SYNJ1: variants seen among roughly 807,000 people sequenced by gnomAD.
SYNJ1 encodes the protein polyphosphatidylinositol phosphatase SYNJ1.
Under a neutral mutation model 168.2 loss-of-function variants are expected in SYNJ1, and 78 were observed. The ratio of observed to expected loss-of-function variants is 0.46; its 90% CI spans 0.39 to 0.56. The LOEUF (loss-of-function observed/expected upper bound fraction) is 0.56, where lower values mean the gene tolerates loss of function less well. Among genes scored for constraint, SYNJ1 ranks in the 20% least tolerant of loss-of-function variants. The pLI is 0.00. For synonymous variants in SYNJ1, 539 were observed against 548.6 expected, an observed-to-expected ratio of 0.98 and a Z score of 0.24; for missense variants, 1,303 against 1,597.6, an observed-to-expected ratio of 0.82 and a Z score of 3.14.
At chr21:32,643,270 TA>T in intron 27 of SYNJ1, 139 bp downstream of exon 27, 1 of 790,268 alleles carries the variant, frequency 1.3e-6, no homozygotes, top group South Asian at 1.7e-5. Context: ...AAGGTATACA[TA>T]AGGAGGGGAA....
intron 2 of SYNJ1, among the ~76,000 whole-genome samples, chr21:32,711,620 G>A (rs772775633): frequency 6.6e-6 from 1 of 152,194 alleles, no homozygotes; most frequent in East Asian, 1.9e-4. Context: ...GTGAGCCACC[G>A]CGCCCAGCAA....
intron 18 of SYNJ1, among the ~76,000 whole-genome samples, chr21:32,660,534 A>G (rs1404108797): frequency 1.3e-5 from 2 of 152,252 alleles, no homozygotes; most frequent in Non-Finnish European, 2.9e-5. Context: ...AGCCATGGGC[A>G]TCAGCAGACT....
intron 6 of SYNJ1, among the ~76,000 whole-genome samples, chr21:32,692,411 T>C (rs1350494135): frequency 6.6e-6 from 1 of 151,996 alleles, no homozygotes; most frequent in Non-Finnish European, 1.5e-5. Flanking sequence ...ACCCCATTTC[T>C]ACTAAAAATA....
At chr21:32,657,179 G>T in intron 19 of SYNJ1, 59 bp from the exon 20 acceptor site, 1 of 1,128,832 alleles carries the variant, frequency 8.9e-7, no homozygotes, top group Non-Finnish European at 1.3e-6. Flanking sequence ...AGATCGTGTA[G>T]AGCAAAGAGG....
Position 32,631,671 on chromosome 21 carries a change from G to C in SYNJ1, c.*134C>G. The C allele has an allele frequency of 6.2e-7, 1 of 1,614,228 alleles. No homozygotes were observed. The highest frequency in any genetic ancestry group is 8.5e-7 in the Non-Finnish European group (1 of 1,180,040). ...CTGAATCAACCTCTTTGGGTCTGGG[G>C]TGGGAACAGGTGACGTTTGAACAGA... On this transcript the variant is annotated 3_prime_UTR_variant, in exon 33 of 33. Coordinates refer to ENST00000674351, the MANE Select transcript of SYNJ1 (RefSeq NM_203446.3).
Position 32,631,043 on chromosome 21 carries a change from C to G in SYNJ1, c.*762G>C. On this transcript the variant is annotated 3_prime_UTR_variant, in exon 33 of 33. Transcript: ENST00000674351. ...TGGGTGAAGCCTTAGAGGCCAAGGT[C>G]GTGAAAGGATCTACTGGAGGGCTGG... 4 of 1,613,888 alleles carry G rather than the reference C, an allele frequency of 2.5e-6. No homozygotes were observed. The highest frequency in any genetic ancestry group is 3.4e-6 in the Non-Finnish European group (4 of 1,179,950).
At chr21:32,724,332 A>G (rs2043364738) in intron 2 of SYNJ1, among the ~76,000 whole-genome samples, 1 of 152,122 alleles carries the variant, frequency 6.6e-6, no homozygotes, top group Non-Finnish European at 1.5e-5. Flanking sequence ...TACTAAAAAT[A>G]CAAAAATTAG....
chr21:32,705,436 CAT>C (rs1209036557), intron 2 of SYNJ1, among the ~76,000 whole-genome samples: 3 of 152,106 alleles, frequency 2.0e-5, no homozygotes, highest in African/African-American at 7.2e-5. Context: ...GAGCCTAAAA[CAT>C]AGTATTGTGC....
intron 27 of SYNJ1, 76 bp downstream of exon 27, chr21:32,643,334 C>T (rs939241973): frequency 1.8e-5 from 26 of 1,456,508 alleles, no homozygotes; most frequent in Admixed American, 3.6e-5. Context: ...GCAAACACTG[C>T]GGGGTGGGGA....
At chr21:32,693,031 AAAT>A (rs1457596495) in intron 6 of SYNJ1, among the ~76,000 whole-genome samples, 1 of 152,036 alleles carries the variant, frequency 6.6e-6, no homozygotes, top group Non-Finnish European at 1.5e-5. Flanking sequence ...ACCCTGTCTC[AAAT>A]AAATAAATAT....
At chr21:32,688,240 T>G in intron 7 of SYNJ1, 66 bp downstream of exon 7, 1 of 1,469,536 alleles carries the variant, frequency 6.8e-7, no homozygotes, top group East Asian at 2.4e-5. Flanking sequence ...AGTGAATCAG[T>G]AAATACAAGC....
At chr21:32,679,030 G>C (rs2041522003) in intron 11 of SYNJ1, among the ~76,000 whole-genome samples, 1 of 152,122 alleles carries the variant, frequency 6.6e-6, no homozygotes, top group Admixed American at 6.6e-5. Context: ...AAAAAGCTCA[G>C]TGCTACAACC....
At chr21:32,663,357 TTGG>T (rs1239770433) in intron 18 of SYNJ1, among the ~76,000 whole-genome samples, 1 of 152,206 alleles carries the variant, frequency 6.6e-6, no homozygotes, top group African/African-American at 2.4e-5. Flanking sequence ...AAACAGTCAC[TTGG>T]TGGAGTTCAA....
At chr21:32,726,093 G>A (rs2043441644) in intron 2 of SYNJ1, among the ~76,000 whole-genome samples, 1 of 152,130 alleles carries the variant, frequency 6.6e-6, no homozygotes, top group Non-Finnish European at 1.5e-5. Context: ...GCCCCCCTTG[G>A]CCTCCCAAAG....
intron 1 of SYNJ1, among the ~76,000 whole-genome samples, chr21:32,727,232 G>A (rs964061525): frequency 6.6e-6 from 1 of 152,132 alleles, no homozygotes; most frequent in Non-Finnish European, 1.5e-5. Flanking sequence ...AGCGTATTTC[G>A]TCCGGAGCTG....
intron 2 of SYNJ1, among the ~76,000 whole-genome samples, chr21:32,726,153 G>A (rs1390817745): frequency 6.6e-6 from 1 of 152,132 alleles, no homozygotes; most frequent in Non-Finnish European, 1.5e-5. Context: ...CTTACATTAA[G>A]AAAGACCCAG....
At chr21:32,719,782 CATT>C (rs2043153914) in intron 2 of SYNJ1, among the ~76,000 whole-genome samples, 1 of 149,516 alleles carries the variant, frequency 6.7e-6, no homozygotes, top group African/African-American at 2.4e-5. Flanking sequence ...ACACACATCT[CATT>C]AGTAAATTGT....
chr21:32,678,065 A>T (rs571711443), intron 12 of SYNJ1, among the ~76,000 whole-genome samples: 35 of 152,174 alleles, frequency 2.3e-4, no homozygotes, highest in African/African-American at 4.8e-4. Flanking sequence ...GTTTTTTTTT[A>T]AAAGACACAG....
chr21:32,670,795 T>C (rs904420825), intron 14 of SYNJ1: 5 of 984,966 alleles, frequency 5.1e-6, no homozygotes, highest in Non-Finnish European at 6.0e-6. Context: ...ATTTTTCACA[T>C]TCATATTTGA....
Sources: gnomAD v4.1 joint callset for allele counts (sites outside exome capture counted in the v4.1 genomes callset) on GRCh38, gnomAD v4.1.1 for gene constraint, MANE v1.5 for transcripts, NCBI Gene and HGNC (gene_info 2026-07-23, HGNC 2026-07-21) for gene names.